The following IGSF10 variants were observed in gnomAD, a reference collection of about 807,000 sequenced individuals.
IGSF10 encodes the protein calvaria mechanical force protein 608.
IGSF10 carries 126 observed loss-of-function variants against 128.2 expected under a neutral mutation model. The observed-to-expected ratio is 0.98, with a 90% CI of 0.85 to 1.14. The LOEUF is 1.14. Ranked by LOEUF, IGSF10 falls within the 50% of genes most tolerant of loss-of-function variation. The probability of loss-of-function intolerance (pLI) is 0.00; values close to 1 mark genes in which losing one functional copy is unlikely to be tolerated. For synonymous variants in IGSF10, 1,185 were observed against 1,146.2 expected (o/e 1.03, Z -0.68); for missense variants, 3,295 against 3,149.8 (o/e 1.05, Z -1.10).
the IGSF10 span, among the ~76,000 whole-genome samples, chr3:151,549,913 G>A: frequency 6.6e-6 from 1 of 151,900 alleles, no homozygotes; most frequent in Admixed American, 6.6e-5. Flanking sequence ...ATTTCTGAGT[G>A]GCATATTGAA....
At chr3:151,577,154 A>C in the IGSF10 span, among the ~76,000 whole-genome samples, 4 of 152,138 alleles carry the variant, frequency 2.6e-5, no homozygotes, top group African/African-American at 9.7e-5. Context: ...CACTTTCTCT[A>C]GGTAGAATTG....
At chr3:151,591,266 TCTG>T in the IGSF10 span, among the ~76,000 whole-genome samples, 1 of 151,694 alleles carries the variant, frequency 6.6e-6, no homozygotes, top group East Asian at 1.9e-4. Flanking sequence ...AAACATTAAT[TCTG>T]CTATTAGGCA....
At position 151,442,966 on chromosome 3, in the gene IGSF10, C is replaced by A. The variant is rs763486263; in HGVS notation, c.5963+18G>T. The A allele has an allele frequency of 6.3e-7, 1 of 1,593,758 alleles. No homozygotes were observed. Among genetic ancestry groups the A allele is most frequent in the South Asian group, 1.1e-5 (1 of 87,918 alleles). ...AATACATAAAGCAGATAATTCCAACCCAAAGGTATAGACTTACCTATGCTG... is the reference window on the plus strand; with the variant it reads ...AATACATAAAGCAGATAATTCCAACACAAAGGTATAGACTTACCTATGCTG... On this transcript the variant is annotated intron_variant, in intron 7 of 7. Coordinates refer to ENST00000282466, the MANE Select transcript of IGSF10 (RefSeq NM_178822.5).
the IGSF10 span, among the ~76,000 whole-genome samples, chr3:151,472,946 T>A: frequency 0.3 from 45,120 of 152,012 alleles, 7,381 homozygotes; most frequent in Middle Eastern, 0.38. Context: ...TGGGTCCACG[T>A]CTCACAACTC....
At chr3:151,492,740 T>C in the IGSF10 span, among the ~76,000 whole-genome samples, 2 of 46,668 alleles carry the variant, frequency 4.3e-5, no homozygotes, top group Non-Finnish European at 8.0e-5. Flanking sequence ...CTCAAAAAAA[T>C]TAAAGCAAAC....
chr3:151,471,924 T>C, the IGSF10 span, among the ~76,000 whole-genome samples: 1 of 152,194 alleles, frequency 6.6e-6, no homozygotes, highest in African/African-American at 2.4e-5. Flanking sequence ...ATGCATCTCA[T>C]TTGGAAAAAC....
chr3:151,497,650 G>T, the IGSF10 span, among the ~76,000 whole-genome samples: 2 of 152,178 alleles, frequency 1.3e-5, no homozygotes, highest in African/African-American at 4.8e-5. Flanking sequence ...GATTGACTTG[G>T]TGATGTGGGT....
Position 151,437,534 on chromosome 3 carries a change from A to G in IGSF10, c.7027T>C (p.Phe2343Leu). 1 of 1,614,176 alleles carries G rather than the reference A, an allele frequency of 6.2e-7. No individual in the cohort carries two copies. The highest frequency in any genetic ancestry group is 8.5e-7 in the Non-Finnish European group (1 of 1,180,034). Residue 2343 changes from phenylalanine to leucine, a missense_variant, in exon 8 of 8, where the codon TTT becomes CTT. Physicochemically the swap from Phe to Leu is conservative, Grantham distance 22. Coordinates refer to ENST00000282466, the MANE Select transcript of IGSF10 (RefSeq NM_178822.5). ...AGCTGGGCAACTATTTTTTCATTAA[A>G]TGGATTTCTAAATGTCGGTCTTCTC... is the stretch of plus-strand genomic sequence containing the variant. ...MLRRPTFRNP[F>L]NEKIVAQLGK...
chr3:151,532,091 A>G, the IGSF10 span, among the ~76,000 whole-genome samples: 1 of 152,224 alleles, frequency 6.6e-6, no homozygotes, highest in Non-Finnish European at 1.5e-5. Context: ...AAAAGAACAA[A>G]TTCCTGGACA....
chr3:151,451,602 G>A (rs1228886709), intron 5 of IGSF10, among the ~76,000 whole-genome samples: 3 of 152,122 alleles, frequency 2.0e-5, no homozygotes, highest in African/African-American at 7.2e-5. Flanking sequence ...CCTTACAATT[G>A]AGGATGTTTT....
rs982493163 is a variant in IGSF10, at chr3:151,438,258, A to G, written c.6303T>C (p.Asn2101=). ...HRTRRYTLFN[N]GTLYFNKVGV... ...CAACTTTGTTGAAGTATAAAGTTCC[A>G]TTGTTGAAAAGGGTATATCTCCTAG... Residue 2101 remains asparagine (N), a synonymous_variant, in exon 8 of 8, where the codon AAT becomes AAC. Transcript: ENST00000282466. 2 of 1,614,000 alleles carry G rather than the reference A, an allele frequency of 1.2e-6. No homozygotes were observed. The highest frequency in any genetic ancestry group is 1.7e-6 in the Non-Finnish European group (2 of 1,180,006).
the IGSF10 span, among the ~76,000 whole-genome samples, chr3:151,490,811 A>C: frequency 9.8e-5 from 15 of 152,310 alleles, no homozygotes; most frequent in Admixed American, 9.8e-4. Flanking sequence ...AGGGAAAATA[A>C]GAAATTTCTT....
the IGSF10 span, among the ~76,000 whole-genome samples, chr3:151,558,021 A>ATATAT: frequency 1.1e-3 from 31 of 28,876 alleles, no homozygotes; most frequent in Non-Finnish European, 1.4e-3. Flanking sequence ...TATATATAAT[A>ATATAT]TATATATTGG....
the IGSF10 span, among the ~76,000 whole-genome samples, chr3:151,557,981 G>A: frequency 7.8e-5 from 1 of 12,822 alleles, no homozygotes; most frequent in Non-Finnish European, 2.2e-4. Flanking sequence ...TTTAACAGAT[G>A]CAAAGCAAAT....
the IGSF10 span, among the ~76,000 whole-genome samples, chr3:151,497,156 C>T: frequency 1.3e-5 from 2 of 152,112 alleles, no homozygotes; most frequent in African/African-American, 2.4e-5. Flanking sequence ...GTTTCTTTTG[C>T]TGTGCAGAAG....
At chr3:151,575,579 A>T in the IGSF10 span, among the ~76,000 whole-genome samples, 2 of 152,338 alleles carry the variant, frequency 1.3e-5, no homozygotes, top group Non-Finnish European at 2.9e-5. Flanking sequence ...AGACCATTGG[A>T]AAAGCACAGT....
At chr3:151,450,499 A>G (rs1410424083) in intron 5 of IGSF10, among the ~76,000 whole-genome samples, 1 of 152,184 alleles carries the variant, frequency 6.6e-6, no homozygotes, top group Non-Finnish European at 1.5e-5. Context: ...GTGACAGGTA[A>G]TGTCACAGAT....
the IGSF10 span, among the ~76,000 whole-genome samples, chr3:151,477,752 T>A: frequency 0.48 from 73,303 of 152,016 alleles, 18,149 homozygotes; most frequent in African/African-American, 0.59. Flanking sequence ...AAGTTCATGA[T>A]GTTAGAGAAG....
Position 151,436,450 on chromosome 3 carries a change from G to T in IGSF10, c.*239C>A. ...TGAACCGTTTCAATGTTTGTTTATT[G>T]TTATTTGTTGGCAAAATAAAAGTGC... On this transcript the variant is annotated 3_prime_UTR_variant, in exon 8 of 8. Transcript: ENST00000282466. 2.6e-6 allele frequency: 1 copy of T among 385,614 alleles called. No homozygotes were observed. The highest frequency in any genetic ancestry group is 4.6e-6 in the Non-Finnish European group (1 of 216,430). The allele number at this position is 385,614 out of a possible 1,614,324, so 23.9% of individuals were successfully genotyped here. A position where few individuals can be genotyped will look rare whatever the true frequency, so the allele number is the denominator to read the frequency against.
Sources: allele counts gnomAD v4.1 joint callset (sites outside exome capture counted in the v4.1 genomes callset), GRCh38; gene constraint gnomAD v4.1.1; transcripts MANE v1.5; gene names NCBI Gene and HGNC (gene_info 2026-07-23, HGNC 2026-07-21).